The following IRAK4 variants were observed in gnomAD, a reference collection of about 807,000 sequenced individuals.
The protein encoded by IRAK4 is interleukin 1 receptor associated kinase 4, also known as interleukin-1 receptor-associated kinase 4.
In IRAK4, 44 loss-of-function variants were observed where a neutral mutation model predicts 51.8. The observed-to-expected ratio is 0.85, with a 90% CI of 0.67 to 1.09. The LOEUF is 1.09. Among genes scored for constraint, IRAK4 ranks in the 50% least tolerant of loss-of-function variants. IRAK4 has a pLI of 0.00. For synonymous variants in IRAK4, 149 were observed against 174.1 expected, an observed-to-expected ratio of 0.86 and a Z score of 1.13; for missense variants, 487 against 538.0, an observed-to-expected ratio of 0.91 and a Z score of 0.94.
intron 8 of IRAK4, among the ~76,000 whole-genome samples, chr12:43,781,134 A>T (rs1941742562): frequency 6.6e-6 from 1 of 152,182 alleles, no homozygotes; most frequent in South Asian, 2.1e-4. Context: ...CAAACTGAAC[A>T]CGTTCTCATT....
Position 43,772,958 on chromosome 12 carries a change from C to A in IRAK4, c.537C>A (p.Asn179Lys). Residue 179 changes from asparagine to lysine, a missense_variant, in exon 5 of 12, where the codon AAC (asparagine) becomes AAA (lysine). Coordinates refer to ENST00000613694, the MANE Select transcript of IRAK4 (RefSeq NM_016123.4). ...SFYELKNVTN[N>K]FDERPISVGG... ...ATGAATTGAAGAATGTCACAAATAA[C>A]TTTGATGAACGACCCATTTCTGTTG... The A allele has an allele frequency of 6.2e-7, 1 of 1,610,916 alleles. No individual in the cohort carries two copies. The highest frequency in any genetic ancestry group is 8.5e-7 in the Non-Finnish European group (1 of 1,178,198).
chr12:43,784,787 G>C (rs926616119), intron 10 of IRAK4, among the ~76,000 whole-genome samples: 5 of 152,122 alleles, frequency 3.3e-5, no homozygotes, highest in African/African-American at 1.2e-4. Flanking sequence ...ACTGTGATGT[G>C]ACTCTAAAGT....
chr12:43,769,010 A>G (rs1381385918), intron 2 of IRAK4, among the ~76,000 whole-genome samples: 1 of 152,222 alleles, frequency 6.6e-6, no homozygotes, highest in African/African-American at 2.4e-5. Flanking sequence ...AAGAGCGAAC[A>G]TGTTAAATTA....
intron 2 of IRAK4, chr12:43,770,931 A>G (rs963470304): frequency 1.8e-6 from 1 of 567,236 alleles, no homozygotes; most frequent in Middle Eastern, 2.7e-4. Context: ...GGTTTCTGAT[A>G]AAAGGATAAG....
In IRAK4 at chr12:43,786,797, T is replaced by C. The variant is rs1942251816; in HGVS notation, c.*82T>C. On this transcript the variant is annotated 3_prime_UTR_variant, in exon 12 of 12. Transcript: ENST00000613694. ...TAACTGATTTTTTTCCTAAATATTCTTCTTTACCTTTAACAAGGCATAGGC... is the reference window on the plus strand; with the variant it reads ...TAACTGATTTTTTTCCTAAATATTCCTCTTTACCTTTAACAAGGCATAGGC... The C allele has an allele frequency of 8.3e-7, 1 of 1,206,044 alleles. No individual in the cohort carries two copies. Among genetic ancestry groups the C allele is most frequent in the African/African-American group, 1.5e-5 (1 of 66,260 alleles). The allele number at this position is 1,206,044 out of a possible 1,614,324, so 74.7% of individuals were successfully genotyped here.
chr12:43,770,946 G>T, intron 2 of IRAK4: 1 of 610,954 alleles, frequency 1.6e-6, no homozygotes, highest in Non-Finnish European at 3.0e-6. Context: ...GATAAGTTAG[G>T]CCCTATTTTT....
At chr12:43,782,007 C>T (rs1941815166) in intron 8 of IRAK4, among the ~76,000 whole-genome samples, 1 of 152,142 alleles carries the variant, frequency 6.6e-6, no homozygotes, top group African/African-American at 2.4e-5. Flanking sequence ...GAAAATATCT[C>T]TTACTAATGT....
Position 43,786,807 on chromosome 12 carries a change from TTAA to T in IRAK4, c.*93_*95del. ...TTTTCCTAAATATTCTTCTTTACCT[TTAA>T]CAAGGCATAGGCTGTTGCAGGACAG... On this transcript the variant is annotated 3_prime_UTR_variant, in exon 12 of 12. Coordinates refer to ENST00000613694, the MANE Select transcript of IRAK4 (RefSeq NM_016123.4). 4 of 1,106,218 alleles carry T rather than the reference TTAA, an allele frequency of 3.6e-6. No individual in the cohort carries two copies. Among genetic ancestry groups the T allele is most frequent in the Non-Finnish European group, 5.5e-6 (4 of 731,146 alleles). The allele number at this position is 1,106,218 out of a possible 1,614,324, so 68.5% of individuals were successfully genotyped here. A position where few individuals can be genotyped will look rare whatever the true frequency, so the allele number is the denominator to read the frequency against.
In IRAK4 at chr12:43,786,672, T is replaced by C; in HGVS notation, c.1348-8T>C. 2.5e-6 allele frequency: 4 copies of C among 1,613,180 alleles called. No individual in the cohort carries two copies. The highest frequency in any genetic ancestry group is 2.5e-6 in the Non-Finnish European group (3 of 1,179,626). On this transcript the variant is annotated splice_region_variant and splice_polypyrimidine_tract_variant and intron_variant, in intron 11 of 11. Coordinates refer to ENST00000613694, the MANE Select transcript of IRAK4 (RefSeq NM_016123.4). ...TGGTTCTTTTGTTTTTTTCTTTCTT[T>C]TTAAAAGGTTCAACAGCTGCTGCAA... is the stretch of plus-strand genomic sequence containing the variant.
At chr12:43,783,829 C>A (rs1159651345) in intron 10 of IRAK4, 105 bp downstream of exon 10, 4 of 763,564 alleles carry the variant, frequency 5.2e-6, no homozygotes, top group Non-Finnish European at 9.0e-6. Flanking sequence ...TATTGGCAAT[C>A]TTTCCATTGG....
intron 9 of IRAK4, 111 bp from the exon 10 acceptor site, chr12:43,783,551 G>C (rs4251529): frequency 1.4e-6 from 1 of 710,830 alleles, no homozygotes; most frequent in East Asian, 2.7e-5. Context: ...GAAGTCCGGG[G>C]CTCAAGTTAT....
chr12:43,780,555 T>C (rs1380887444), intron 8 of IRAK4, among the ~76,000 whole-genome samples: 1 of 151,840 alleles, frequency 6.6e-6, no homozygotes, highest in Admixed American at 6.6e-5. Flanking sequence ...TCATTGTCTC[T>C]TTTCTCCCTG....
At chr12:43,769,167 C>G (rs1377076868) in intron 2 of IRAK4, among the ~76,000 whole-genome samples, 1 of 151,506 alleles carries the variant, frequency 6.6e-6, no homozygotes, top group African/African-American at 2.4e-5. Flanking sequence ...TTTTCCAAGA[C>G]TCATTCCTGT....
Position 43,772,196 on chromosome 12 carries a change from T to C in IRAK4, c.324T>C (p.Thr108=). Residue 108 remains threonine, a synonymous_variant, in exon 4 of 12, where the codon ACT becomes ACC. Coordinates refer to ENST00000613694, the MANE Select transcript of IRAK4 (RefSeq NM_016123.4). ...ATTTGTTAGATGCTGTTCCCAAAAC[T>C]GCTAATACACTACCTTCTAAAGAAG... The part of the protein sequence containing the change: ...SLLLPDAVPK[T]ANTLPSKEAI... The C allele has an allele frequency of 6.2e-7, 1 of 1,613,364 alleles. No individual in the cohort carries two copies. The highest frequency in any genetic ancestry group is 8.5e-7 in the Non-Finnish European group (1 of 1,179,734).
intron 1 of IRAK4, among the ~76,000 whole-genome samples, chr12:43,766,731 T>A (rs4251452): frequency 4.1e-4 from 62 of 152,266 alleles, no homozygotes; most frequent in African/African-American, 1.5e-3. Flanking sequence ...AAAATAGAGA[T>A]GATAAAACTG....
intron 1 of IRAK4, among the ~76,000 whole-genome samples, chr12:43,767,088 A>G (rs942531719): frequency 6.6e-6 from 1 of 152,222 alleles, no homozygotes; most frequent in African/African-American, 2.4e-5. Context: ...TTCCATATGA[A>G]CACATTATTT....
chr12:43,785,086 T>C (rs970818494), intron 10 of IRAK4, among the ~76,000 whole-genome samples: 1 of 152,108 alleles, frequency 6.6e-6, no homozygotes, highest in Non-Finnish European at 1.5e-5. Flanking sequence ...ATGCTCTCTC[T>C]GGAGACTCCA....
chr12:43,783,652 G>A lies in IRAK4; in HGVS notation c.1126-10G>A. Reference sequence around the variant, plus strand: ...GTGTATTATATTAATGATTTTTTTTGTCTTCATAGGTTTTACTAGAAATAA... The same window carrying A: ...GTGTATTATATTAATGATTTTTTTTATCTTCATAGGTTTTACTAGAAATAA... On this transcript the variant is annotated splice_polypyrimidine_tract_variant and intron_variant, in intron 9 of 11. Transcript: ENST00000613694. 6.4e-7 allele frequency: 1 copy of A among 1,569,522 alleles called. No individual in the cohort carries two copies. The highest frequency in any genetic ancestry group is 8.8e-7 in the Non-Finnish European group (1 of 1,141,840).
At chr12:43,778,022 C>A (rs1447985289) in intron 7 of IRAK4, among the ~76,000 whole-genome samples, 171 bp from the exon 8 acceptor site, 1 of 151,974 alleles carries the variant, frequency 6.6e-6, no homozygotes, top group Non-Finnish European at 1.5e-5. Flanking sequence ...TGTAAACACC[C>A]ATTTGAGCTT....
Sources: gnomAD v4.1 joint callset for allele counts (sites outside exome capture counted in the v4.1 genomes callset) on GRCh38, gnomAD v4.1.1 for gene constraint, MANE v1.5 for transcripts, NCBI Gene and HGNC (gene_info 2026-07-23, HGNC 2026-07-21) for gene names.